The following TLN2 variants were observed in gnomAD, a reference collection of about 807,000 sequenced individuals.
The protein encoded by TLN2 is talin-2.
Under a neutral mutation model 294.7 loss-of-function variants are expected in TLN2, and 118 were observed. The observed-to-expected ratio is 0.40, with a 90% CI of 0.34 to 0.47. The LOEUF is 0.47. TLN2 is among the 20% of genes least tolerant of loss of function. The probability of loss-of-function intolerance (pLI) is 0.84; values close to 1 mark genes in which losing one functional copy is unlikely to be tolerated. For synonymous variants in TLN2, 1,431 were observed against 1,304.5 expected, an observed-to-expected ratio of 1.10 and a Z score of -2.09; for missense variants, 3,083 against 3,282.2, an observed-to-expected ratio of 0.94 and a Z score of 1.48.
At chr15:62,552,351 A>G (rs1428119824) in intron 1 of TLN2, among the ~76,000 whole-genome samples, 1 of 152,132 alleles carries the variant, frequency 6.6e-6, no homozygotes, top group Non-Finnish European at 1.5e-5. Flanking sequence ...TTGCCTACTT[A>G]GTGAGATTTA....
At chr15:62,796,960 T>G (rs1329838465) in intron 47 of TLN2, among the ~76,000 whole-genome samples, 2 of 152,140 alleles carry the variant, frequency 1.3e-5, no homozygotes, top group African/African-American at 4.8e-5. Context: ...GGGAGCCAGG[T>G]TGGTGGGCCT....
chr15:62,595,207 G>C (rs2046388107), intron 2 of TLN2, among the ~76,000 whole-genome samples: 1 of 152,106 alleles, frequency 6.6e-6, no homozygotes, highest in Non-Finnish European at 1.5e-5. Flanking sequence ...GATCACTTGA[G>C]GTCAGGAATT....
intron 51 of TLN2, among the ~76,000 whole-genome samples, chr15:62,806,303 A>C (rs1306505241): frequency 1.3e-5 from 2 of 152,182 alleles, no homozygotes; most frequent in Non-Finnish European, 1.5e-5. Context: ...TGCTGGCCCT[A>C]ATCCTCCCCC....
intron 54 of TLN2, chr15:62,831,046 A>AC (rs970141786): frequency 6.6e-6 from 1 of 151,762 alleles, no homozygotes; most frequent in Admixed American, 6.6e-5. Flanking sequence ...TGTGTTTAAA[A>AC]AAAAAAAAAA....
intron 28 of TLN2, among the ~76,000 whole-genome samples, chr15:62,733,144 A>T (rs2060820425): frequency 6.6e-6 from 1 of 152,212 alleles, no homozygotes. Context: ...TGGCAATGGA[A>T]ATCTTTGAAA....
intron 1 of TLN2, among the ~76,000 whole-genome samples, chr15:62,432,491 C>T (rs1292881330): frequency 6.6e-6 from 1 of 152,154 alleles, no homozygotes; most frequent in East Asian, 1.9e-4. Flanking sequence ...ACCTAAACAC[C>T]TCTCAACACT....
Position 62,776,871 on chromosome 15 carries a change from TG to T in TLN2, c.5480del (p.Gly1827AlafsTer10). ...AAGCTGCCAGTGAAGTGGGGCTGGT[TG>T]GGGGCATGGTGGACGCCATTGCAGA... ...NEAASEVGLV[G>X]GMVDAIAEAM... On this transcript the variant is annotated frameshift_variant, in exon 43 of 59. Coordinates refer to ENST00000636159, the MANE Select transcript of TLN2 (RefSeq NM_015059.3). LOFTEE classifies it high-confidence loss of function. 1 of 1,595,096 alleles carries T rather than the reference TG, an allele frequency of 6.3e-7. No homozygotes were observed. Among genetic ancestry groups the T allele is most frequent in the Non-Finnish European group, 8.5e-7 (1 of 1,170,402 alleles).
Position 62,840,711 on chromosome 15 carries a change from C to T in TLN2, c.*101C>T. The T allele has an allele frequency of 1.3e-6, 2 of 1,485,296 alleles. No homozygotes were observed. Among genetic ancestry groups the T allele is most frequent in the South Asian group, 2.8e-5 (2 of 72,638 alleles). The allele number at this position is 1,485,296 out of a possible 1,614,324, so 92.0% of individuals were successfully genotyped here. A position where few individuals can be genotyped will look rare whatever the true frequency, so the allele number is the denominator to read the frequency against. ...GCACTTAGCTGGAAACCGCCCACCT[C>T]CCTCCCGGGTGAGCCTGGAGCCCTG... On this transcript the variant is annotated 3_prime_UTR_variant, in exon 59 of 59. Coordinates refer to ENST00000636159, the MANE Select transcript of TLN2 (RefSeq NM_015059.3).
intron 14 of TLN2, among the ~76,000 whole-genome samples, chr15:62,697,292 A>G (rs2058410202): frequency 6.6e-6 from 1 of 151,970 alleles, no homozygotes; most frequent in Non-Finnish European, 1.5e-5. Flanking sequence ...AATTTTTTGT[A>G]GAGACGAGGT....
intron 9 of TLN2, among the ~76,000 whole-genome samples, chr15:62,663,255 CATAAA>C (rs1370648097): frequency 1.3e-5 from 2 of 152,008 alleles, no homozygotes; most frequent in Admixed American, 6.5e-5. Flanking sequence ...GAAAGAATTT[CATAAA>C]ATAAAATAAT....
intron 46 of TLN2, among the ~76,000 whole-genome samples, chr15:62,794,257 G>C (rs142878076): frequency 2.0e-5 from 3 of 152,258 alleles, no homozygotes; most frequent in South Asian, 2.1e-4. Context: ...GAGGTGGCTC[G>C]TTCCTAGCAA....
At chr15:62,660,536 A>T (rs77347873) in intron 9 of TLN2, among the ~76,000 whole-genome samples, 5,468 of 152,302 alleles carry the variant, frequency 0.036, 335 homozygotes, top group African/African-American at 0.13. Context: ...GTCACCTTCA[A>T]AGGGTCCTAA....
At chr15:62,477,478 T>A (rs1052098279) in intron 1 of TLN2, among the ~76,000 whole-genome samples, 2 of 152,208 alleles carry the variant, frequency 1.3e-5, no homozygotes, top group Non-Finnish European at 2.9e-5. Context: ...TGAGCCTGAT[T>A]GAACAGTAGG....
At position 62,717,659 on chromosome 15, in the gene TLN2, G is replaced by A. The variant is rs774576922; in HGVS notation, c.2847G>A (p.Ala949=). 3.7e-6 allele frequency: 6 copies of A among 1,601,938 alleles called. No individual in the cohort carries two copies. Among genetic ancestry groups the A allele is most frequent in the Admixed American group, 1.7e-5 (1 of 57,850 alleles). ...QNAAVSNKNP[A]AQQQLVQSCK... Reference sequence around the variant, plus strand: ...CAGCTGTTTCCAACAAGAACCCTGCGGCCCAGCAGCAGCTGGTCCAGAGTT... The same window carrying A: ...CAGCTGTTTCCAACAAGAACCCTGCAGCCCAGCAGCAGCTGGTCCAGAGTT... The change falls in exon 24 of 59, where the codon GCG becomes GCA. Residue 949 remains alanine (A), a synonymous_variant. Transcript: ENST00000636159.
Position 62,783,833 on chromosome 15 carries a change from C to G in TLN2, c.5679C>G (p.Asp1893Glu). 2 of 1,613,956 alleles carry G rather than the reference C, an allele frequency of 1.2e-6. No homozygotes were observed. The highest frequency in any genetic ancestry group is 1.7e-6 in the Non-Finnish European group (2 of 1,179,860). ...LGGLASQMTS[D>E]YGHLAFQGQM... is the part of the protein sequence containing the mutation. ...GACTGGCTTCACAAATGACCAGTGACTATGGGCACCTGGCTTTCCAGGGCC... is the reference window on the plus strand; with the variant it reads ...GACTGGCTTCACAAATGACCAGTGAGTATGGGCACCTGGCTTTCCAGGGCC... Residue 1893 changes from aspartate to glutamate, a missense_variant, in exon 45 of 59, where the codon GAC (aspartate) becomes GAG (glutamate). Physicochemically the swap from Asp to Glu is conservative, Grantham distance 45 (BLOSUM62 2). Transcript: ENST00000636159.
chr15:62,398,418 A>G (rs556082238), intron 1 of TLN2, among the ~76,000 whole-genome samples: 1 of 152,222 alleles, frequency 6.6e-6, no homozygotes, highest in South Asian at 2.1e-4. Context: ...GGTATGGGTA[A>G]TAGAGTAAAT....
At chr15:62,456,290 C>T (rs1249647503) in intron 1 of TLN2, among the ~76,000 whole-genome samples, 1 of 152,206 alleles carries the variant, frequency 6.6e-6, no homozygotes, top group South Asian at 2.1e-4. Flanking sequence ...CCTCCTACTT[C>T]CTAGCAATTT....
chr15:62,685,856 T>A (rs2057244288), intron 11 of TLN2, among the ~76,000 whole-genome samples: 2 of 152,196 alleles, frequency 1.3e-5, no homozygotes. Flanking sequence ...CTCCTCCCCC[T>A]GGTCTATCAA....
intron 5 of TLN2, 80 bp from the exon 6 acceptor site, chr15:62,651,925 C>A: frequency 1.4e-6 from 2 of 1,419,900 alleles, no homozygotes; most frequent in South Asian, 1.8e-5. Flanking sequence ...TTTTAAAATT[C>A]ATTTTTTAAA....
Sources: allele counts gnomAD v4.1 joint callset (sites outside exome capture counted in the v4.1 genomes callset), GRCh38; gene constraint gnomAD v4.1.1; transcripts MANE v1.5; gene names NCBI Gene and HGNC (gene_info 2026-07-23, HGNC 2026-07-21).